NCKAP5: variants seen among roughly 807,000 people sequenced by gnomAD.
NCKAP5 encodes the protein NCK associated protein 5.
Under a neutral mutation model 167.0 loss-of-function variants are expected in NCKAP5, and 92 were observed. The ratio of observed to expected loss-of-function variants is 0.55; its 90% CI spans 0.47 to 0.66. The LOEUF (loss-of-function observed/expected upper bound fraction) is 0.66. Ranked by LOEUF, NCKAP5 falls within the 30% of genes least tolerant of loss-of-function variation. The probability of loss-of-function intolerance (pLI) is 0.00; values close to 1 mark genes in which losing one functional copy is unlikely to be tolerated. For synonymous variants in NCKAP5, 891 were observed against 877.4 expected, an observed-to-expected ratio of 1.02 and a Z score of -0.27; for missense variants, 2,378 against 2,315.0, an observed-to-expected ratio of 1.03 and a Z score of -0.56.
chr2:132,898,030 A>G (rs1205471020), intron 8 of NCKAP5, among the ~76,000 whole-genome samples: 1 of 152,236 alleles, frequency 6.6e-6, no homozygotes, highest in African/African-American at 2.4e-5. Flanking sequence ...ATTTTTCTAT[A>G]GCAAGCAATG....
At position 133,346,751 on chromosome 2, in the gene NCKAP5, A is replaced by T. The variant is rs1358214395; in HGVS notation, c.70-43641T>A. Reference sequence around the variant, plus strand: ...AAATGTGTGCAACCAAGCTTCATCCATGGATGGCGATGCAACAGGAGGGCC... The same window carrying T: ...AAATGTGTGCAACCAAGCTTCATCCTTGGATGGCGATGCAACAGGAGGGCC... On this transcript the variant is annotated intron_variant, in intron 3 of 19. Coordinates refer to ENST00000409261, the MANE Select transcript of NCKAP5 (RefSeq NM_207363.3). 3.3e-5 allele frequency among the ~76,000 whole-genome samples: 5 copies of T among 152,332 alleles called. No individual in the cohort carries two copies. The East Asian group carries it at 9.7e-4, about 29-fold the overall frequency.
chr2:133,010,318 T>C (rs1256959962), intron 6 of NCKAP5, among the ~76,000 whole-genome samples: 1 of 152,220 alleles, frequency 6.6e-6, no homozygotes, highest in Non-Finnish European at 1.5e-5. Flanking sequence ...TTGGTATACA[T>C]GCTGGCATTT....
rs542918419 is a variant in NCKAP5 at position 133,123,499 on chromosome 2, C to T, written c.341+6479G>A. ...TTATCCTTGAACCAATGTTGCTTTACCATCTTCAACTTCTGGTAGATTCAC... is the reference window on the plus strand; with the variant it reads ...TTATCCTTGAACCAATGTTGCTTTATCATCTTCAACTTCTGGTAGATTCAC... On this transcript the variant is annotated intron_variant, in intron 6 of 19. Coordinates refer to ENST00000409261, the MANE Select transcript of NCKAP5 (RefSeq NM_207363.3). 2.6e-5 allele frequency: 5 copies of T among 193,716 alleles called. No individual in the cohort carries two copies. In the South Asian group the frequency reaches 5.1e-4, roughly 20 times the overall value. 12.0% of individuals were successfully genotyped at this position (193,716 alleles called of 1,614,324 possible).
Position 132,674,050 on chromosome 2 carries a change from G to C in NCKAP5, c.5714-745C>G, listed in dbSNP as rs150334382. 6.4e-3 allele frequency among the ~76,000 whole-genome samples: 972 copies of C among 152,264 alleles called. 14 individuals are homozygous for C. The highest frequency in any genetic ancestry group is 0.023 in the African/African-American group (938 of 41,538). On this transcript the variant is annotated intron_variant, in intron 19 of 19. Coordinates refer to ENST00000409261, the MANE Select transcript of NCKAP5 (RefSeq NM_207363.3). ...CCTGTAAACATGAATATATTCGGTT[G>C]CTCAGTTGGCTCCTAAGGGCTAAGG...
chr2:133,068,582 C>T (rs1027317907), intron 6 of NCKAP5, among the ~76,000 whole-genome samples: 1 of 152,132 alleles, frequency 6.6e-6, no homozygotes, highest in Non-Finnish European at 1.5e-5. Context: ...CCTGTTCAAG[C>T]TGTTAGAGGG....
At chr2:132,795,820 G>GAAA (rs55826486) in intron 12 of NCKAP5, among the ~76,000 whole-genome samples, 6,140 of 84,252 alleles carry the variant, frequency 0.073, 591 homozygotes, top group Non-Finnish European at 0.11. Context: ...CCCCGTATCA[G>GAAA]AAAAAAAAAA....
At chr2:133,502,857 C>T (rs1682651305) in intron 3 of NCKAP5, among the ~76,000 whole-genome samples, 1 of 152,202 alleles carries the variant, frequency 6.6e-6, no homozygotes, top group African/African-American at 2.4e-5. Flanking sequence ...GAATGAGTGG[C>T]AAGCTTCCAA....
chr2:133,470,428 G>A (rs1644733792), intron 3 of NCKAP5, among the ~76,000 whole-genome samples: 1 of 152,308 alleles, frequency 6.6e-6, no homozygotes, highest in Admixed American at 6.5e-5. Flanking sequence ...GTCAGACAGG[G>A]ACATTTAAGT....
chr2:133,114,937 T>C (rs1364486008), intron 6 of NCKAP5, among the ~76,000 whole-genome samples: 1 of 152,174 alleles, frequency 6.6e-6, no homozygotes, highest in East Asian at 1.9e-4. Flanking sequence ...TGATGCACTA[T>C]TTCATTAAAA....
chr2:133,580,139 C>T, the NCKAP5 span, among the ~76,000 whole-genome samples: 12 of 152,260 alleles, frequency 7.9e-5, no homozygotes, highest in East Asian at 3.9e-4. Flanking sequence ...AGCTTCCTTT[C>T]GGGAATTGTT....
chr2:133,578,860 G>A, the NCKAP5 span, among the ~76,000 whole-genome samples: 1 of 152,192 alleles, frequency 6.6e-6, no homozygotes, highest in Non-Finnish European at 1.5e-5. Flanking sequence ...AGTAAAATCT[G>A]TTTGTTCTTA....
At chr2:133,600,896 C>G in the NCKAP5 span, among the ~76,000 whole-genome samples, 1 of 152,226 alleles carries the variant, frequency 6.6e-6, no homozygotes, top group Non-Finnish European at 1.5e-5. Context: ...AAGTCAACCT[C>G]CACGCCAGAA....
intron 5 of NCKAP5, among the ~76,000 whole-genome samples, chr2:133,191,935 G>T (rs1574330599): frequency 6.6e-6 from 1 of 151,980 alleles, no homozygotes; most frequent in South Asian, 2.1e-4. Flanking sequence ...ATTCCAGTGA[G>T]ATATTTTTTA....
chr2:133,377,380 A>C (rs1041106952), intron 3 of NCKAP5, among the ~76,000 whole-genome samples: 3 of 152,212 alleles, frequency 2.0e-5, no homozygotes, highest in African/African-American at 7.2e-5. Flanking sequence ...CATAGTAAAA[A>C]TGACAGAGCA....
chr2:132,901,271 C>T (rs1171624413), intron 8 of NCKAP5, among the ~76,000 whole-genome samples: 4 of 152,224 alleles, frequency 2.6e-5, no homozygotes, highest in Non-Finnish European at 1.5e-5. Context: ...AGGCTCAGAA[C>T]TCACATCTGC....
chr2:132,885,249 A>G (rs1692124265), intron 8 of NCKAP5, among the ~76,000 whole-genome samples: 1 of 152,238 alleles, frequency 6.6e-6, no homozygotes, highest in East Asian at 1.9e-4. Flanking sequence ...TGATTTAAAG[A>G]AACAGTGAAT....
At chr2:133,388,506 T>G (rs899384702) in intron 3 of NCKAP5, among the ~76,000 whole-genome samples, 5 of 152,224 alleles carry the variant, frequency 3.3e-5, no homozygotes, top group African/African-American at 1.2e-4. Flanking sequence ...CTTGAGGCAG[T>G]CTGTCCGTTC....
chr2:133,236,127 T>C (rs183501820), intron 4 of NCKAP5, among the ~76,000 whole-genome samples: 2 of 141,736 alleles, frequency 1.4e-5, no homozygotes, highest in African/African-American at 2.6e-5. Flanking sequence ...GGATAAAATG[T>C]ATGTGTTAGA....
At chr2:133,260,064 A>G (rs2088827204) in intron 4 of NCKAP5, among the ~76,000 whole-genome samples, 1 of 152,248 alleles carries the variant, frequency 6.6e-6, no homozygotes, top group African/African-American at 2.4e-5. Context: ...GAGGCAGCCT[A>G]AAATAAGTAA....
Sources: gnomAD v4.1 joint callset for allele counts (sites outside exome capture counted in the v4.1 genomes callset) on GRCh38, gnomAD v4.1.1 for gene constraint, MANE v1.5 for transcripts, NCBI Gene and HGNC (gene_info 2026-07-23, HGNC 2026-07-21) for gene names.